Variants in MUC5B observed in about 807,000 individuals in gnomAD.
MUC5B encodes mucin-5B.
Under a neutral mutation model 376.9 loss-of-function variants are expected in MUC5B, and 116 were observed. The ratio of observed to expected loss-of-function variants is 0.31; its 90% CI spans 0.26 to 0.36. The LOEUF is 0.36. Among genes scored for constraint, MUC5B ranks in the 10% least tolerant of loss-of-function variants. MUC5B has a pLI of 1.00. For synonymous variants in MUC5B, 3,517 were observed against 3,390.9 expected (o/e 1.04, Z -1.29); for missense variants, 7,165 against 7,769.9 (o/e 0.92, Z 2.93).
Position 1,234,578 on chromosome 11 carries a change from C to G in MUC5B, c.2528C>G (p.Ser843Trp). 1 of 1,579,010 alleles carries G rather than the reference C, an allele frequency of 6.3e-7. No homozygotes were observed. Residue 843 changes from serine (S) to tryptophan (W), a missense_variant, in exon 21 of 49, where the codon TCG becomes TGG. Around this residue, in one of 31 missense-constraint regions of MUC5B, gnomAD observed 530 missense variants for 604.0 expected, o/e 0.88. Coordinates refer to ENST00000529681, the MANE Select transcript of MUC5B (RefSeq NM_002458.3). The surrounding 1 kb of genome is among the most constrained non-coding windows in gnomAD (Gnocchi z 6.3). The stretch of plus-strand genomic sequence containing the variant: ...TGTGTCTGTCCCCCGGGGCTGGTGT[C>G]GGATGGGAGTGGGGGCTGCATTGCC... ...SGCVCPPGLV[S>W]DGSGGCIAEE...
intron 7 of MUC5B, among the ~76,000 whole-genome samples, chr11:1,228,065 C>G (rs1861930147): frequency 6.6e-6 from 1 of 152,212 alleles, no homozygotes; most frequent in Admixed American, 6.5e-5. Flanking sequence ...GGAGCCAGCC[C>G]TTCCCACCAG....
chr11:1,232,916 C>G (rs1334262700), intron 17 of MUC5B, 97 bp from the exon 18 acceptor site: 2 of 1,464,158 alleles, frequency 1.4e-6, no homozygotes, highest in Non-Finnish European at 1.8e-6. Context: ...CATGCCCTTG[C>G]GATCCCCACG....
At chr11:1,223,981 A>G (rs1218261202) in intron 1 of MUC5B, among the ~76,000 whole-genome samples, 2 of 152,142 alleles carry the variant, frequency 1.3e-5, no homozygotes, top group African/African-American at 2.4e-5. Flanking sequence ...GTCTCTCTCC[A>G]TCTGTGGAAG....
chr11:1,262,121 C>A lies in MUC5B; in HGVS notation c.*513C>A. On this transcript the variant is annotated 3_prime_UTR_variant, in exon 49 of 49. Coordinates refer to ENST00000529681, the MANE Select transcript of MUC5B (RefSeq NM_002458.3). ...CAGAGAGGGGTCAGCATCCCAAAGC[C>A]CCCTCTGCTCAACCCAGCCCAGTTT... The A allele has an allele frequency of 7.7e-6, 4 of 516,544 alleles. No homozygotes were observed. The highest frequency in any genetic ancestry group is 5.7e-5 in the South Asian group (4 of 70,382). The allele number at this position is 516,544 out of a possible 1,614,324, so 32.0% of individuals were successfully genotyped here. A position where few individuals can be genotyped will look rare whatever the true frequency, so the allele number is the denominator to read the frequency against.
intron 46 of MUC5B, 85 bp from the exon 47 acceptor site, chr11:1,260,266 G>A: frequency 4.1e-6 from 6 of 1,461,466 alleles, no homozygotes; most frequent in South Asian, 3.5e-5. Flanking sequence ...CCATGCCCCT[G>A]CCCGGGTGGG....
In MUC5B at chr11:1,249,820, A is replaced by G. The variant is rs1454375067; in HGVS notation, c.12940A>G (p.Thr4314Ala). 6.2e-7 allele frequency: 1 copy of G among 1,613,444 alleles called. No individual in the cohort carries two copies. Among genetic ancestry groups the G allele is most frequent in the Non-Finnish European group, 8.5e-7 (1 of 1,179,708 alleles). The change falls in exon 31 of 49, where the codon ACA becomes GCA. Residue 4314 changes from threonine (T) to alanine (A), a missense_variant. Coordinates refer to ENST00000529681, the MANE Select transcript of MUC5B (RefSeq NM_002458.3). ...AACCACCCTTCCAGTGCTGACAAGC[A>G]CAGCCACCAAATCCACAGCTACCAG... is the stretch of plus-strand genomic sequence containing the variant. ...TATTLPVLTS[T>A]ATKSTATSVT... is the part of the protein sequence containing the mutation.
In MUC5B at chr11:1,242,442, G is replaced by C. The variant is rs548959942; in HGVS notation, c.5562G>C (p.Gly1854=). 18 of 1,613,792 alleles carry C rather than the reference G, an allele frequency of 1.1e-5. No homozygotes were observed. The African/African-American group carries it at 2.1e-4, about 19-fold the overall frequency. ...TGCTGACCTGCAGCCTGGAGACGGGGCTGACCTGCAAGAACGAAGACCAGA... is the reference window on the plus strand; with the variant it reads ...TGCTGACCTGCAGCCTGGAGACGGGCCTGACCTGCAAGAACGAAGACCAGA... ...GQVLTCSLET[G]LTCKNEDQTG... is the part of the protein sequence containing the mutation. Residue 1854 remains glycine, a synonymous_variant, in exon 31 of 49, where the codon GGG becomes GGC. Coordinates refer to ENST00000529681, the MANE Select transcript of MUC5B (RefSeq NM_002458.3).
At chr11:1,235,022 C>A in intron 21 of MUC5B, 63 bp from the exon 22 acceptor site, 1 of 1,549,778 alleles carries the variant, frequency 6.5e-7, no homozygotes, top group Non-Finnish European at 8.7e-7. Context: ...GCCTGGGTGC[C>A]GGGTCTCAGG....
At chr11:1,226,087 C>T (rs1471128129) in intron 2 of MUC5B, 118 bp from the exon 3 acceptor site, 3 of 1,003,722 alleles carry the variant, frequency 3.0e-6, no homozygotes, top group Non-Finnish European at 4.4e-6. Flanking sequence ...GGCCCCAGCC[C>T]ATCAGTTTTG....
chr11:1,234,870 A>C lies in MUC5B; in HGVS notation c.2630+190A>C, dbSNP rs1227170127. On this transcript the variant is annotated intron_variant, in intron 21 of 48. Coordinates refer to ENST00000529681, the MANE Select transcript of MUC5B (RefSeq NM_002458.3). This position sits in a 1 kb window ranked among gnomAD's most constrained non-coding sequence, Gnocchi z 6.3. ...ATGGGCCGTCCTGTGCGTCCTCTGG[A>C]AGGTGGCCCAGGGGCCGTGGTGCTA... Among the ~76,000 whole-genome samples, 1 of 151,984 alleles carries C rather than the reference A, an allele frequency of 6.6e-6. No individual in the cohort carries two copies. The highest frequency in any genetic ancestry group is 1.5e-5 in the Non-Finnish European group (1 of 67,952).
Position 1,258,871 on chromosome 11 carries a change from G to A in MUC5B, c.16594-71G>A. Reference sequence around the variant, plus strand: ...GGAACAACTCCCTGCAGGCCCCATTGGGTCATGGGGAGGGGTCCTGGCCCT... The same window carrying A: ...GGAACAACTCCCTGCAGGCCCCATTAGGTCATGGGGAGGGGTCCTGGCCCT... On this transcript the variant is annotated intron_variant, in intron 43 of 48. Coordinates refer to ENST00000529681, the MANE Select transcript of MUC5B (RefSeq NM_002458.3). The surrounding 1 kb of genome is among the most constrained non-coding windows in gnomAD (Gnocchi z 5.5). The A allele has an allele frequency of 6.5e-7, 1 of 1,531,366 alleles. No individual in the cohort carries two copies. Among genetic ancestry groups the A allele is most frequent in the East Asian group, 2.5e-5 (1 of 40,720 alleles). The allele number at this position is 1,531,366 out of a possible 1,614,324, so 94.9% of individuals were successfully genotyped here. A position where few individuals can be genotyped will look rare whatever the true frequency, so the allele number is the denominator to read the frequency against.
Position 1,236,471 on chromosome 11 carries a change from T to C in MUC5B, c.2966T>C (p.Met989Thr). The C allele has an allele frequency of 1.2e-6, 2 of 1,612,976 alleles. No individual in the cohort carries two copies. The highest frequency in any genetic ancestry group is 1.7e-6 in the Non-Finnish European group (2 of 1,179,740). ...GACCCACCCTACAAGATACGCTACA[T>C]GGGGATCTTCCTGGTCATCGAGACC... ...GGDPPYKIRY[M>T]GIFLVIETHG... The change falls in exon 24 of 49, where the codon ATG becomes ACG. Residue 989 changes from methionine (M) to threonine (T), a missense_variant. Transcript: ENST00000529681.
chr11:1,254,925 C>A (rs952515378), intron 35 of MUC5B, 45 bp downstream of exon 35: 12 of 1,582,616 alleles, frequency 7.6e-6, no homozygotes, highest in Non-Finnish European at 1.0e-5. Context: ...TGCTGCTGGG[C>A]CTGACAACCC....
Position 1,237,083 on chromosome 11 carries a change from G to T in MUC5B, c.3216G>T (p.Thr1072=). The T allele has an allele frequency of 6.4e-7, 1 of 1,561,488 alleles. No homozygotes were observed. Among genetic ancestry groups the T allele is most frequent in the Non-Finnish European group, 8.7e-7 (1 of 1,151,826 alleles). ...PDALAPKDPC[T]ANPFRKSWAQ... ...CCCTGGCACCCAAGGACCCCTGCAC[G>T]GCCAACCCCTTCCGCAAGTCCTGGG... is the stretch of plus-strand genomic sequence containing the variant. Residue 1072 remains threonine, a synonymous_variant, in exon 25 of 49, where the codon ACG becomes ACT. Transcript: ENST00000529681.
chr11:1,256,270 C>G, intron 38 of MUC5B, 45 bp downstream of exon 38: 4 of 714,668 alleles, frequency 5.6e-6, no homozygotes, highest in Non-Finnish European at 1.0e-5. Context: ...CCCAGGCCTG[C>G]CTGACCGGTC....
chr11:1,250,394 C>T lies in MUC5B; in HGVS notation c.13514C>T (p.Thr4505Ile). The T allele has an allele frequency of 6.2e-7, 1 of 1,613,170 alleles. No individual in the cohort carries two copies. Among genetic ancestry groups the T allele is most frequent in the South Asian group, 1.1e-5 (1 of 91,048 alleles). Residue 4505 changes from threonine (T) to isoleucine (I), a missense_variant, in exon 31 of 49, where the codon ACT (threonine) becomes ATT (isoleucine). Physicochemically the swap from Thr to Ile is moderately conservative, Grantham distance 89 (BLOSUM62 -1). Transcript: ENST00000529681. ...CCCTCCTCCAGTCCAGGGACTGCAA[C>T]TGCCCTTCCAGCACTGAGAAGCACA... is the stretch of plus-strand genomic sequence containing the variant. ...ATPSSSPGTA[T>I]ALPALRSTAT...
rs989597092 is a variant in MUC5B, at chr11:1,250,124, C to T, written c.13244C>T (p.Pro4415Leu). The T allele has an allele frequency of 2.5e-6, 4 of 1,594,274 alleles. No individual in the cohort carries two copies. Among genetic ancestry groups the T allele is most frequent in the Non-Finnish European group, 3.4e-6 (4 of 1,168,924 alleles). Residue 4415 changes from proline to leucine, a missense_variant, in exon 31 of 49, where the codon CCA becomes CTA. Transcript: ENST00000529681. ...CCCACGGCCACCCCGTCCTCCACCC[C>T]AGGGACCACCTGGATCCTCACAGAG... ...TGPTATPSSTPGTTWILTELT... is the reference protein window; with the variant it reads ...TGPTATPSSTLGTTWILTELT...
chr11:1,228,884 AC>A, intron 8 of MUC5B, 119 bp downstream of exon 8: 1 of 526,342 alleles, frequency 1.9e-6, no homozygotes, highest in Non-Finnish European at 2.5e-6. Flanking sequence ...CAGAGGACCC[AC>A]CCCAGGCATA....
Position 1,227,051 on chromosome 11 carries a change from G to T in MUC5B, c.482G>T (p.Arg161Leu), listed in dbSNP as rs771321732. 24 of 1,611,262 alleles carry T rather than the reference G, an allele frequency of 1.5e-5. No homozygotes were observed. Among genetic ancestry groups the T allele is most frequent in the Admixed American group, 3.3e-5 (2 of 59,922 alleles). ...CGCAGGGAGGAGCTGCCTTACAGCC[G>T]CACTGGCCTCCTGGTGGAGCAGAGC... ...NGQREELPYS[R>L]TGLLVEQSGD... Residue 161 changes from arginine to leucine, a missense_variant, in exon 5 of 49, where the codon CGC becomes CTC. Transcript: ENST00000529681.
Sources: allele counts gnomAD v4.1 joint callset (sites outside exome capture counted in the v4.1 genomes callset), GRCh38; gene constraint gnomAD v4.1.1; regional missense constraint gnomAD v4.1.1; non-coding constraint Gnocchi (gnomAD v3.1); transcripts MANE v1.5; gene names NCBI Gene and HGNC (gene_info 2026-07-23, HGNC 2026-07-21).